Variants in CIT observed in about 807,000 individuals in gnomAD.
CIT encodes citron rho-interacting serine/threonine kinase.
Under a neutral mutation model 272.7 loss-of-function variants are expected in CIT, and 79 were observed. The observed-to-expected ratio is 0.29, with a 90% CI of 0.24 to 0.35. CIT has a LOEUF of 0.35. Among genes scored for constraint, CIT ranks in the 10% least tolerant of loss-of-function variants. The probability of loss-of-function intolerance (pLI) is 1.00; values close to 1 mark genes in which losing one functional copy is unlikely to be tolerated. For synonymous variants in CIT, 948 were observed against 995.6 expected, an observed-to-expected ratio of 0.95 and a Z score of 0.90; for missense variants, 1,909 against 2,618.3, an observed-to-expected ratio of 0.73 and a Z score of 5.91.
At chr12:119,716,481 AAAC>A (rs1391337360) in intron 32 of CIT, among the ~76,000 whole-genome samples, 1 of 151,934 alleles carries the variant, frequency 6.6e-6, no homozygotes, top group Admixed American at 6.6e-5. Flanking sequence ...GGCTAAAGAA[AAAC>A]AACAGCAACA....
intron 7 of CIT, among the ~76,000 whole-genome samples, chr12:119,825,657 T>C (rs1055999525): frequency 5.9e-5 from 9 of 152,316 alleles, no homozygotes; most frequent in African/African-American, 2.2e-4. Context: ...ATACCGGGAA[T>C]GGAAGATGTC....
intron 28 of CIT, among the ~76,000 whole-genome samples, chr12:119,723,193 A>G (rs1957893458): frequency 6.6e-6 from 1 of 152,198 alleles, no homozygotes; most frequent in Non-Finnish European, 1.5e-5. Flanking sequence ...CCTCCGCAGC[A>G]TGAGTGATTT....
At chr12:119,727,714 C>T (rs1171533723) in intron 28 of CIT, among the ~76,000 whole-genome samples, 2 of 152,116 alleles carry the variant, frequency 1.3e-5, no homozygotes, top group African/African-American at 4.8e-5. Context: ...CACTTGAGCC[C>T]AAGGGTTTGA....
Position 119,690,361 on chromosome 12 carries a change from C to A in CIT, c.5976G>T (p.Pro1992=). 6.3e-7 allele frequency: 1 copy of A among 1,597,808 alleles called. No individual in the cohort carries two copies. Among genetic ancestry groups the A allele is most frequent in the Non-Finnish European group, 8.5e-7 (1 of 1,178,242 alleles). Residue 1992 remains proline, a synonymous_variant, in exon 47 of 48, where the codon CCG becomes CCT. Transcript: ENST00000392521. This position sits in a 1 kb window ranked among gnomAD's most constrained non-coding sequence, Gnocchi z 6.0. The part of the protein sequence containing the change: ...SPAPPEGPSH[P]REPSTPHRYR... ...AGCGGTGGGGTGTGCTTGGCTCTCG[C>A]GGGTGGCTGGGGCCTTCGGGCGGCG...
rs1259319244 is a variant in CIT, at chr12:119,697,491, C to T, written c.5882+168G>A. Among the ~76,000 whole-genome samples the T allele has an allele frequency of 2.0e-5, 3 of 152,204 alleles. No homozygotes were observed. The highest frequency in any genetic ancestry group is 2.1e-4 in the South Asian group (1 of 4,832). On this transcript the variant is annotated intron_variant, in intron 46 of 47. Coordinates refer to ENST00000392521, the MANE Select transcript of CIT (RefSeq NM_001206999.2). This position sits in a 1 kb window ranked among gnomAD's most constrained non-coding sequence, Gnocchi z 4.9. ...GGTATTTTCTAATTCTCCTGATGCT[C>T]ATAATGGTCTGTGTTATTTCAGTGC...
At chr12:119,840,641 C>G (rs1969347077) in intron 5 of CIT, among the ~76,000 whole-genome samples, 1 of 152,160 alleles carries the variant, frequency 6.6e-6, no homozygotes, top group Admixed American at 6.5e-5. Context: ...TCTGGAGAGA[C>G]CAAACAAGGA....
At chr12:119,810,133 C>A (rs768198388) in intron 9 of CIT, among the ~76,000 whole-genome samples, 2 of 152,192 alleles carry the variant, frequency 1.3e-5, no homozygotes, top group Non-Finnish European at 2.9e-5. Flanking sequence ...AGCCAGTCAG[C>A]GAGAAGTTCC....
Position 119,734,337 on chromosome 12 carries a change from G to T in CIT, c.3177C>A (p.Thr1059=), listed in dbSNP as rs35120949. ...SQKQTMEALK[T]TCTMLEEQVM... Reference sequence around the variant, plus strand: ...CCTGTTCCTCCAGCATGGTGCACGTGGTCTTCAGAGCCTCCATCGTCTGCA... The same window carrying T: ...CCTGTTCCTCCAGCATGGTGCACGTTGTCTTCAGAGCCTCCATCGTCTGCA... The change falls in exon 26 of 48, where the codon ACC becomes ACA. Residue 1059 remains threonine, a synonymous_variant. Transcript: ENST00000392521. 3,543 of 1,613,270 alleles carry T rather than the reference G, an allele frequency of 2.2e-3. 68 individuals are homozygous for T. The African/African-American group carries it at 0.043, about 19-fold the overall frequency.
intron 5 of CIT, among the ~76,000 whole-genome samples, chr12:119,838,911 G>A (rs931196303): frequency 6.6e-6 from 1 of 152,188 alleles, no homozygotes; most frequent in African/African-American, 2.4e-5. Flanking sequence ...GGGCACAGGA[G>A]GAGGAAAGAG....
intron 28 of CIT, among the ~76,000 whole-genome samples, chr12:119,724,257 T>G (rs901649284): frequency 9.2e-5 from 14 of 152,210 alleles, no homozygotes; most frequent in African/African-American, 3.4e-4. Context: ...ATTCATGTAC[T>G]CAGAGAGTCA....
chr12:119,754,289 C>T (rs1960651870), intron 22 of CIT, among the ~76,000 whole-genome samples: 1 of 152,186 alleles, frequency 6.6e-6, no homozygotes, highest in South Asian at 2.1e-4. Context: ...GAAAGTCTGG[C>T]TCAAGAGTCC....
chr12:119,757,925 C>A (rs1961236443), intron 21 of CIT, among the ~76,000 whole-genome samples: 1 of 152,108 alleles, frequency 6.6e-6, no homozygotes, highest in African/African-American at 2.4e-5. Context: ...AAGGCAGGCC[C>A]TGGAGAAAAA....
In CIT at chr12:119,713,570, T is replaced by C. The variant is rs1205147352; in HGVS notation, c.4385A>G (p.His1462Arg). ...TCGLPAEYAT[H>R]FTEAFCRDKM... ...GTCACGGCAGAAGGCCTCGGTGAAG[T>C]GTGTGGCATATTCAGCAGGCAAGCC... The change falls in exon 34 of 48, where the codon CAC becomes CGC. Residue 1462 changes from histidine (H) to arginine (R), a missense_variant. His to Arg is a conservative substitution (Grantham distance 29). Transcript: ENST00000392521. This position sits in a 1 kb window ranked among gnomAD's most constrained non-coding sequence, Gnocchi z 5.2. 6.2e-7 allele frequency: 1 copy of C among 1,613,974 alleles called. No individual in the cohort carries two copies. The highest frequency in any genetic ancestry group is 1.7e-5 in the Admixed American group (1 of 59,998).
At chr12:119,704,636 C>G (rs778450625) in intron 40 of CIT, among the ~76,000 whole-genome samples, 181 bp from the exon 41 acceptor site, 1 of 152,172 alleles carries the variant, frequency 6.6e-6, no homozygotes, top group Non-Finnish European at 1.5e-5. Context: ...CCTTGACCCA[C>G]TAGATGCCTG....
At chr12:119,767,288 C>T (rs568621888) in intron 18 of CIT, 106 bp from the exon 19 acceptor site, 22 of 824,740 alleles carry the variant, frequency 2.7e-5, no homozygotes, top group Non-Finnish European at 3.8e-5. Context: ...CCACAGGTAA[C>T]GGTCATCTGG....
At chr12:119,698,167 A>C (rs968114898) in intron 44 of CIT, 113 bp from the exon 45 acceptor site, 2 of 897,506 alleles carry the variant, frequency 2.2e-6, no homozygotes, top group African/African-American at 3.3e-5. Context: ...AAAGCAACTC[A>C]CCCAACAAAT....
Position 119,758,533 on chromosome 12 carries a change from C to T in CIT, c.2531+58G>A, listed in dbSNP as rs1051217212. On this transcript the variant is annotated intron_variant, in intron 21 of 47. Coordinates refer to ENST00000392521, the MANE Select transcript of CIT (RefSeq NM_001206999.2). ...ATCAAACAGAAGAAGGGAGTTTATG[C>T]CACAGGAGAGGAGACCAAAGTGTAA... 1.1e-4 allele frequency: 118 copies of T among 1,082,738 alleles called. 1 individual carries two copies. The East Asian group carries it at 2.8e-3, about 26-fold the overall frequency. 67.1% of individuals were successfully genotyped at this position (1,082,738 alleles called of 1,614,324 possible). A position where few individuals can be genotyped will look rare whatever the true frequency, so the allele number is the denominator to read the frequency against.
At position 119,785,028 on chromosome 12, in the gene CIT, T is replaced by C. The variant is rs776134850; in HGVS notation, c.1333A>G (p.Ser445Gly). 3.7e-6 allele frequency: 6 copies of C among 1,614,058 alleles called. No individual in the cohort carries two copies. The African/African-American group carries it at 5.3e-5, about 14-fold the overall frequency. The change falls in exon 11 of 48, where the codon AGC becomes GGC. Residue 445 changes from serine (S) to glycine (G), a missense_variant. By Grantham distance (56) the Ser-to-Gly change is moderately conservative. This residue lies in a region of CIT where 529 missense variants were observed against 549.6 expected (regional missense o/e 0.96). Coordinates refer to ENST00000392521, the MANE Select transcript of CIT (RefSeq NM_001206999.2). The part of the protein sequence containing the change: ...VSGLDSPAKT[S>G]SMEKKLLIKS... The stretch of plus-strand genomic sequence containing the variant: ...ATGAGAAGTTTCTTTTCCATGGAGC[T>C]AGTCTTGGCAGGGGAGTCCAGACCC...
chr12:119,845,065 A>C (rs2138207513), intron 5 of CIT, among the ~76,000 whole-genome samples: 1 of 152,144 alleles, frequency 6.6e-6, no homozygotes, highest in East Asian at 1.9e-4. Context: ...GGTTGCACTG[A>C]GCCGAGATTG....
Sources: allele counts gnomAD v4.1 joint callset (sites outside exome capture counted in the v4.1 genomes callset), GRCh38; gene constraint gnomAD v4.1.1; regional missense constraint gnomAD v4.1.1; non-coding constraint Gnocchi (gnomAD v3.1); transcripts MANE v1.5; gene names NCBI Gene and HGNC (gene_info 2026-07-23, HGNC 2026-07-21).